Variants in GRID2 observed in about 807,000 individuals in gnomAD.
GRID2 encodes glutamate ionotropic receptor delta type subunit 2.
GRID2 carries 33 observed loss-of-function variants against 114.8 expected under a neutral mutation model. That is an observed-to-expected ratio of 0.29 (90% confidence interval 0.22 to 0.38). The LOEUF (loss-of-function observed/expected upper bound fraction) is 0.38, where lower values mean the gene tolerates loss of function less well. Among genes scored for constraint, GRID2 ranks in the 10% least tolerant of loss-of-function variants. The probability of loss-of-function intolerance (pLI) is 1.00; values close to 1 mark genes in which losing one functional copy is unlikely to be tolerated. For missense variants in GRID2, 1,184 were observed against 1,257.7 expected, an observed-to-expected ratio of 0.94 and a Z score of 0.89; for synonymous variants, 505 against 449.9, an observed-to-expected ratio of 1.12 and a Z score of -1.55.
At chr4:93,343,201 T>C (rs1200758449) in intron 8 of GRID2, among the ~76,000 whole-genome samples, 2 of 151,660 alleles carry the variant, frequency 1.3e-5, no homozygotes, top group Admixed American at 1.3e-4. Context: ...TATTAGAAGT[T>C]ATTAGAAGTT....
intron 8 of GRID2, among the ~76,000 whole-genome samples, chr4:93,360,426 C>A (rs1451362334): frequency 2.6e-5 from 4 of 151,888 alleles, no homozygotes; most frequent in Non-Finnish European, 4.4e-5. Context: ...CATCTGAGAT[C>A]AATTTGGCTT....
chr4:93,148,014 C>T (rs893569890), intron 4 of GRID2, among the ~76,000 whole-genome samples: 1 of 152,136 alleles, frequency 6.6e-6, no homozygotes, highest in Non-Finnish European at 1.5e-5. Flanking sequence ...ATGCCTGGTA[C>T]ATAGCAAGTG....
intron 14 of GRID2, among the ~76,000 whole-genome samples, chr4:93,698,798 A>AC (rs1727263140): frequency 6.6e-6 from 1 of 152,094 alleles, no homozygotes; most frequent in Non-Finnish European, 1.5e-5. Flanking sequence ...CACTAAAAGA[A>AC]TCCTGTTTAA....
chr4:92,369,086 A>G (rs1475356032), intron 1 of GRID2, among the ~76,000 whole-genome samples: 1 of 152,104 alleles, frequency 6.6e-6, no homozygotes, highest in Non-Finnish European at 1.5e-5. Context: ...GCTGGTAAAA[A>G]CCAGCTTTTG....
At chr4:92,530,506 C>T (rs538142319) in intron 1 of GRID2, among the ~76,000 whole-genome samples, 2 of 45,818 alleles carry the variant, frequency 4.4e-5, no homozygotes, top group African/African-American at 1.1e-4. Context: ...GTGACTAGTA[C>T]AGAAAAAAAA....
At chr4:93,173,046 TTTTTA>T (rs1193484278) in intron 4 of GRID2, among the ~76,000 whole-genome samples, 2 of 152,204 alleles carry the variant, frequency 1.3e-5, no homozygotes, top group African/African-American at 2.4e-5. Context: ...CATGTTTCAC[TTTTTA>T]TTTCATTGGC....
intron 1 of GRID2, among the ~76,000 whole-genome samples, chr4:92,472,332 G>A (rs1047153596): frequency 2.0e-5 from 3 of 152,060 alleles, no homozygotes; most frequent in East Asian, 1.9e-4. Context: ...CCACTCACAC[G>A]TTGATGGACA....
At chr4:93,342,864 G>A (rs976078618) in intron 8 of GRID2, among the ~76,000 whole-genome samples, 4 of 152,042 alleles carry the variant, frequency 2.6e-5, no homozygotes, top group Admixed American at 1.3e-4. Flanking sequence ...GCTTGAAATT[G>A]GAAGCATTTT....
intron 1 of GRID2, among the ~76,000 whole-genome samples, chr4:92,317,739 C>G (rs781282603): frequency 6.6e-6 from 1 of 152,084 alleles, no homozygotes; most frequent in Non-Finnish European, 1.5e-5. Context: ...AGAACTTGCT[C>G]TTGGCTGCTG....
At chr4:92,586,531 T>C (rs987586609) in intron 1 of GRID2, among the ~76,000 whole-genome samples, 3 of 152,022 alleles carry the variant, frequency 2.0e-5, no homozygotes, top group African/African-American at 4.8e-5. Context: ...TATGTTTTTT[T>C]AACAGAAGTA....
At chr4:92,509,788 T>C (rs1724150612) in intron 1 of GRID2, among the ~76,000 whole-genome samples, 1 of 151,900 alleles carries the variant, frequency 6.6e-6, no homozygotes, top group African/African-American at 2.4e-5. Context: ...ACAGAAGCTC[T>C]GAGATAGCAG....
intron 2 of GRID2, among the ~76,000 whole-genome samples, chr4:92,649,218 T>C (rs2149260412): frequency 6.9e-6 from 1 of 144,384 alleles, no homozygotes; most frequent in Non-Finnish European, 1.5e-5. Context: ...ATTTGCCATA[T>C]GACTATGGAG....
intron 2 of GRID2, among the ~76,000 whole-genome samples, chr4:92,631,220 TC>T (rs1730795614): frequency 6.6e-6 from 1 of 152,006 alleles, no homozygotes; most frequent in Admixed American, 6.6e-5. Flanking sequence ...CAGATCAGTG[TC>T]CATACAACAC....
intron 8 of GRID2, among the ~76,000 whole-genome samples, chr4:93,302,103 G>A (rs546064045): frequency 1.5e-4 from 23 of 152,202 alleles, no homozygotes; most frequent in African/African-American, 5.3e-4. Context: ...GAAAAAATAT[G>A]TATTTTCCCT....
At chr4:92,334,894 G>C (rs1448507171) in intron 1 of GRID2, among the ~76,000 whole-genome samples, 1 of 152,210 alleles carries the variant, frequency 6.6e-6, no homozygotes, top group Admixed American at 6.5e-5. Flanking sequence ...GCCAAGTTTT[G>C]ATAGTACTGT....
intron 8 of GRID2, among the ~76,000 whole-genome samples, chr4:93,395,101 T>C (rs1765205058): frequency 6.6e-6 from 1 of 152,010 alleles, no homozygotes; most frequent in South Asian, 2.1e-4. Flanking sequence ...TTATGTGCTA[T>C]GAATACTTTG....
intron 2 of GRID2, among the ~76,000 whole-genome samples, chr4:92,884,068 C>T (rs761387224): frequency 3.3e-5 from 5 of 152,172 alleles, no homozygotes; most frequent in African/African-American, 7.2e-5. Flanking sequence ...CACTAAAAAT[C>T]GGTTTAGCCA....
At chr4:92,673,969 T>C (rs1157662794) in intron 2 of GRID2, among the ~76,000 whole-genome samples, 2 of 151,744 alleles carry the variant, frequency 1.3e-5, no homozygotes, top group Non-Finnish European at 2.9e-5. Context: ...GAACTTAAAG[T>C]ATAATAAAAA....
chr4:93,329,343 A>C (rs1334302989), intron 8 of GRID2, among the ~76,000 whole-genome samples: 1 of 152,142 alleles, frequency 6.6e-6, no homozygotes, highest in Non-Finnish European at 1.5e-5. Context: ...CCCTTAGTCT[A>C]TAGTATTTAA....
Sources: allele counts gnomAD v4.1 joint callset (sites outside exome capture counted in the v4.1 genomes callset), GRCh38; gene constraint gnomAD v4.1.1; transcripts MANE v1.5; gene names NCBI Gene and HGNC (gene_info 2026-07-23, HGNC 2026-07-21).